Variants in FAM124A observed in about 807,000 individuals in gnomAD.
The protein encoded by FAM124A is family with sequence similarity 124 member A, also known as protein FAM124A.
Under a neutral mutation model 24.5 loss-of-function variants are expected in FAM124A, and 23 were observed. That is an observed-to-expected ratio of 0.94 (90% CI 0.68 to 1.33). The LOEUF (loss-of-function observed/expected upper bound fraction) is 1.33. Among genes scored for constraint, FAM124A ranks in the 40% most tolerant of loss-of-function variants. The pLI, the probability that FAM124A is intolerant of heterozygous loss-of-function variation, is 0.00. For missense variants in FAM124A, 623 were observed against 722.8 expected (o/e 0.86, Z 1.58); for synonymous variants, 287 against 314.7 (o/e 0.91, Z 0.93).
intron 3 of FAM124A, among the ~76,000 whole-genome samples, chr13:51,278,537 G>A (rs969018328): frequency 6.6e-6 from 1 of 152,304 alleles, no homozygotes; most frequent in Non-Finnish European, 1.5e-5. Flanking sequence ...CCTCAGGAGC[G>A]ATGTGGAGGC....
At chr13:51,226,760 C>T (rs1272801705) in intron 1 of FAM124A, among the ~76,000 whole-genome samples, 1 of 152,128 alleles carries the variant, frequency 6.6e-6, no homozygotes. Context: ...TTGTGGGTCC[C>T]ACTGCCAGTG....
intron 3 of FAM124A, among the ~76,000 whole-genome samples, chr13:51,278,630 C>G (rs1184853599): frequency 6.6e-6 from 1 of 152,192 alleles, no homozygotes; most frequent in East Asian, 1.9e-4. Flanking sequence ...TTCCGCCCAC[C>G]CAGCAGGCAG....
intron 3 of FAM124A, among the ~76,000 whole-genome samples, chr13:51,278,288 G>A (rs1275306026): frequency 2.6e-5 from 4 of 152,312 alleles, no homozygotes; most frequent in African/African-American, 9.6e-5. Flanking sequence ...AACATCTAAA[G>A]TAACTCCCTC....
chr13:51,252,281 C>A, intron 3 of FAM124A, 80 bp downstream of exon 3: 3 of 1,517,598 alleles, frequency 2.0e-6, no homozygotes, highest in South Asian at 2.5e-5. Context: ...TAGTACCAGT[C>A]ACAGAGCAAT....
intron 2 of FAM124A, among the ~76,000 whole-genome samples, chr13:51,247,442 G>A (rs1386503115): frequency 2.6e-5 from 4 of 152,174 alleles, no homozygotes; most frequent in Non-Finnish European, 5.9e-5. Flanking sequence ...TGGTTGTAAG[G>A]ATTAAATGAG....
chr13:51,259,208 C>T (rs1474302354), intron 3 of FAM124A, among the ~76,000 whole-genome samples: 1 of 152,174 alleles, frequency 6.6e-6, no homozygotes, highest in Non-Finnish European at 1.5e-5. Flanking sequence ...CTCTAAATGC[C>T]ACTGGCATTT....
At chr13:51,225,973 T>A (rs918929251) in intron 1 of FAM124A, among the ~76,000 whole-genome samples, 1 of 91,446 alleles carries the variant, frequency 1.1e-5, no homozygotes, top group Non-Finnish European at 2.4e-5. Context: ...GCTTGCTTGC[T>A]TTCTTTTTTT....
intron 2 of FAM124A, among the ~76,000 whole-genome samples, chr13:51,249,943 T>C (rs973082323): frequency 1.2e-4 from 19 of 152,182 alleles, no homozygotes; most frequent in Non-Finnish European, 7.3e-5. Context: ...TGCTTGGGCA[T>C]ACATAATTAG....
Position 51,251,340 on chromosome 13 carries a change from G to A in FAM124A, c.101-128G>A. The A allele has an allele frequency of 8.0e-7, 1 of 1,246,124 alleles. No homozygotes were observed. The highest frequency in any genetic ancestry group is 1.1e-6 in the Non-Finnish European group (1 of 945,350). The allele number at this position is 1,246,124 out of a possible 1,614,324, so 77.2% of individuals were successfully genotyped here. A position where few individuals can be genotyped will look rare whatever the true frequency, so the allele number is the denominator to read the frequency against. On this transcript the variant is annotated intron_variant, in intron 2 of 3. Transcript: ENST00000322475. This position sits in a 1 kb window ranked among gnomAD's most constrained non-coding sequence, Gnocchi z 5.3. ...TAAACTTGGGATCAGAAAATCACAG[G>A]TCATGGAGTCAGTTCAGTTAGAATT...
At chr13:51,245,326 T>A in intron 2 of FAM124A, 1 of 686,408 alleles carries the variant, frequency 1.5e-6, no homozygotes, top group South Asian at 1.6e-5. Context: ...ATTCTCCACC[T>A]GGCGGATGCC....
chr13:51,271,092 A>G lies in FAM124A; in HGVS notation c.835-9358A>G, dbSNP rs560784817. ...CATATCATTTTCCAGACAGAGGTTA[A>G]TTGAAAGGACAAGTTCAACATACTT... On this transcript the variant is annotated intron_variant, in intron 3 of 3. Transcript: ENST00000322475. Among the ~76,000 whole-genome samples the G allele has an allele frequency of 7.2e-5, 11 of 152,368 alleles. 1 individual carries two copies. The South Asian group carries it at 2.3e-3, about 32-fold the overall frequency.
chr13:51,245,292 T>TTTAATC (rs1954545189), intron 2 of FAM124A: 1 of 643,652 alleles, frequency 1.6e-6, no homozygotes, highest in East Asian at 2.9e-5. Flanking sequence ...CGCCCCCCAC[T>TTTAATC]TTAATCTTTT....
At chr13:51,242,213 T>C (rs1255528424) in intron 2 of FAM124A, among the ~76,000 whole-genome samples, 1 of 152,228 alleles carries the variant, frequency 6.6e-6, no homozygotes, top group African/African-American at 2.4e-5. Context: ...GATCCTGACT[T>C]TCTCAGGATG....
intron 2 of FAM124A, among the ~76,000 whole-genome samples, chr13:51,232,000 T>C (rs2137649222): frequency 6.6e-6 from 1 of 152,314 alleles, no homozygotes; most frequent in East Asian, 1.9e-4. Flanking sequence ...ATAACCGATG[T>C]AGGTTGTAAT....
Position 51,252,193 on chromosome 13 carries a change from C to T in FAM124A, c.826C>T (p.Leu276Phe), listed in dbSNP as rs1954632559. The change falls in exon 3 of 4, where the codon CTC becomes TTC. Residue 276 changes from leucine to phenylalanine, a missense_variant. Leu to Phe is a conservative substitution (Grantham distance 22). Transcript: ENST00000322475. Reference protein sequence around the residue: ...QTEDHDGNKILLQAQRVHKKF... With the variant: ...QTEDHDGNKIFLQAQRVHKKF... ...GGAGGACCATGATGGGAACAAGATCCTCCTACAGGTACTGGGGGGACGCCT... is the reference window on the plus strand; with the variant it reads ...GGAGGACCATGATGGGAACAAGATCTTCCTACAGGTACTGGGGGGACGCCT... 1 of 1,612,750 alleles carries T rather than the reference C, an allele frequency of 6.2e-7. No individual in the cohort carries two copies. Among genetic ancestry groups the T allele is most frequent in the African/African-American group, 1.3e-5 (1 of 74,926 alleles).
intron 2 of FAM124A, chr13:51,245,549 T>C (rs903769035): frequency 2.2e-6 from 1 of 450,124 alleles, no homozygotes; most frequent in Non-Finnish European, 3.9e-6. Context: ...GGCTGCTTTT[T>C]TGTTAAAAGC....
In FAM124A at chr13:51,281,351, T is replaced by G; in HGVS notation, c.*95T>G. On this transcript the variant is annotated 3_prime_UTR_variant, in exon 4 of 4. Coordinates refer to ENST00000322475, the MANE Select transcript of FAM124A (RefSeq NM_001242312.2). ...GCCACTGAGCACACCACATTCTTCA[T>G]GATCCATTTCCCAGGAGCCCGTAGC... is the stretch of plus-strand genomic sequence containing the variant. 1 of 1,259,426 alleles carries G rather than the reference T, an allele frequency of 7.9e-7. No homozygotes were observed. The highest frequency in any genetic ancestry group is 2.8e-5 in the Admixed American group (1 of 35,282). The allele number at this position is 1,259,426 out of a possible 1,614,324, so 78.0% of individuals were successfully genotyped here. A position where few individuals can be genotyped will look rare whatever the true frequency, so the allele number is the denominator to read the frequency against.
At chr13:51,233,745 A>G (rs1307053946) in intron 2 of FAM124A, among the ~76,000 whole-genome samples, 2 of 152,204 alleles carry the variant, frequency 1.3e-5, no homozygotes, top group Non-Finnish European at 2.9e-5. Flanking sequence ...TTTAAAACCT[A>G]AAGTCTTAAA....
chr13:51,231,281 T>TAAATTTTA, intron 1 of FAM124A, 67 bp from the exon 2 acceptor site: 1 of 1,589,432 alleles, frequency 6.3e-7, no homozygotes, highest in Non-Finnish European at 8.6e-7. Context: ...ACTGACTGTT[T>TAAATTTTA]AAAATTCTGG....
Sources: allele counts gnomAD v4.1 joint callset (sites outside exome capture counted in the v4.1 genomes callset), GRCh38; gene constraint gnomAD v4.1.1; non-coding constraint Gnocchi (gnomAD v3.1); transcripts MANE v1.5; gene names NCBI Gene and HGNC (gene_info 2026-07-23, HGNC 2026-07-21).